SLC25A21: variants seen among roughly 807,000 people sequenced by gnomAD.
The protein encoded by SLC25A21 is solute carrier family 25 member 21.
Under a neutral mutation model 43.8 loss-of-function variants are expected in SLC25A21, and 47 were observed. The observed-to-expected ratio is 1.07, with a 90% confidence interval of 0.85 to 1.37. The LOEUF is 1.37. Among genes scored for constraint, SLC25A21 ranks in the 40% most tolerant of loss-of-function variants. The pLI, the probability that SLC25A21 is intolerant of heterozygous loss-of-function variation, is 0.00. For missense variants in SLC25A21, 352 were observed against 350.2 expected, an observed-to-expected ratio of 1.00 and a Z score of -0.04; for synonymous variants, 131 against 121.3, an observed-to-expected ratio of 1.08 and a Z score of -0.52.
rs1882036685 is a variant in SLC25A21, at chr14:36,678,776, T to TAATA, written c.*1878_*1881dup. 3 of 1,066,770 alleles carry TAATA rather than the reference T, an allele frequency of 2.8e-6. No individual in the cohort carries two copies. The South Asian group carries it at 1.3e-4, about 46-fold the overall frequency. The allele number at this position is 1,066,770 out of a possible 1,614,324, so 66.1% of individuals were successfully genotyped here. On this transcript the variant is annotated 3_prime_UTR_variant, in exon 10 of 10. Coordinates refer to ENST00000331299, the MANE Select transcript of SLC25A21 (RefSeq NM_030631.4). ...TCTGGTTCTTGTATTTTAAAAAATCTAATATTAATGGTATTGAAGTTTCCT... is the reference window on the plus strand; with the variant it reads ...TCTGGTTCTTGTATTTTAAAAAATCTAATAAATATTAATGGTATTGAAGTTTCCT...
At chr14:36,959,790 C>T (rs949651386) in intron 1 of SLC25A21, among the ~76,000 whole-genome samples, 1 of 152,086 alleles carries the variant, frequency 6.6e-6, no homozygotes. Context: ...TATCAGCAAT[C>T]AAAAAGTGGC....
At chr14:36,926,030 T>C (rs1462506373) in intron 1 of SLC25A21, among the ~76,000 whole-genome samples, 2 of 152,036 alleles carry the variant, frequency 1.3e-5, no homozygotes, top group African/African-American at 4.8e-5. Context: ...TATAAAACCT[T>C]CCACTCAATA....
chr14:36,749,699 C>T (rs1885631013), intron 3 of SLC25A21, among the ~76,000 whole-genome samples: 1 of 152,170 alleles, frequency 6.6e-6, no homozygotes, highest in South Asian at 2.1e-4. Flanking sequence ...CCAGGTACAC[C>T]ATCACTCCAG....
At chr14:37,128,546 G>GTGTA in intron 1 of SLC25A21, among the ~76,000 whole-genome samples, 2 of 146,302 alleles carry the variant, frequency 1.4e-5, no homozygotes, top group East Asian at 4.0e-4. Flanking sequence ...CTCTGTGTGT[G>GTGTA]TGTGTGTGTG....
At chr14:37,122,534 G>A (rs1594804001) in intron 1 of SLC25A21, among the ~76,000 whole-genome samples, 2 of 152,326 alleles carry the variant, frequency 1.3e-5, no homozygotes, top group East Asian at 3.9e-4. Flanking sequence ...ATCATACACT[G>A]TACACATTGC....
intron 3 of SLC25A21, among the ~76,000 whole-genome samples, chr14:36,806,154 G>A (rs1378155873): frequency 1.3e-5 from 2 of 150,166 alleles, no homozygotes; most frequent in Admixed American, 1.3e-4. Context: ...GGGGGTGGAG[G>A]TTGCAGTGAG....
intron 3 of SLC25A21, among the ~76,000 whole-genome samples, chr14:36,743,814 G>A (rs1885376997): frequency 6.6e-6 from 1 of 152,030 alleles, no homozygotes; most frequent in African/African-American, 2.4e-5. Flanking sequence ...AATACTCCTA[G>A]ATTTGATACA....
intron 2 of SLC25A21, among the ~76,000 whole-genome samples, chr14:36,822,853 C>T (rs1165067336): frequency 6.6e-6 from 1 of 152,202 alleles, no homozygotes; most frequent in East Asian, 1.9e-4. Context: ...GTACACTTTA[C>T]AATTCAGTCT....
At chr14:37,015,039 TTTA>T (rs548034724) in intron 1 of SLC25A21, among the ~76,000 whole-genome samples, 27 of 151,770 alleles carry the variant, frequency 1.8e-4, no homozygotes, top group Middle Eastern at 3.4e-3. Flanking sequence ...GGCATAATTC[TTTA>T]TTATTATTAT....
intron 1 of SLC25A21, among the ~76,000 whole-genome samples, chr14:36,897,311 T>TTTC (rs2138592057): frequency 6.6e-6 from 1 of 152,350 alleles, no homozygotes; most frequent in Admixed American, 6.5e-5. Context: ...ACTGATACCC[T>TTTC]TTCTTCCAGT....
intron 3 of SLC25A21, among the ~76,000 whole-genome samples, chr14:36,776,238 C>CTTT (rs35856297): frequency 4.4e-4 from 40 of 89,890 alleles, no homozygotes; most frequent in African/African-American, 5.1e-4. Context: ...TTCTTTCTTT[C>CTTT]TTTTTTTTTT....
rs568365537 is a variant in SLC25A21, at chr14:36,922,356, T to C, written c.71-47352A>G. Among the ~76,000 whole-genome samples the C allele has an allele frequency of 7.2e-5, 11 of 152,018 alleles. No homozygotes were observed. The South Asian group carries it at 2.3e-3, about 32-fold the overall frequency. ...ATCGTTCCTGCATTCCAATTAGAAA[T>C]TGGAAGCAATTTCTAAACTGAAAAA... is the stretch of plus-strand genomic sequence containing the variant. On this transcript the variant is annotated intron_variant, in intron 1 of 9. Transcript: ENST00000331299.
chr14:36,781,852 T>C (rs996739814), intron 3 of SLC25A21, among the ~76,000 whole-genome samples: 1 of 152,218 alleles, frequency 6.6e-6, no homozygotes, highest in Non-Finnish European at 1.5e-5. Context: ...CTTTCATATG[T>C]TTTCATGTTA....
intron 1 of SLC25A21, among the ~76,000 whole-genome samples, chr14:37,014,271 G>T (rs1054490726): frequency 6.6e-6 from 1 of 152,096 alleles, no homozygotes; most frequent in Non-Finnish European, 1.5e-5. Flanking sequence ...TTTCCCCAGA[G>T]TAGAACTTCT....
intron 1 of SLC25A21, among the ~76,000 whole-genome samples, chr14:37,150,814 G>T (rs1594819099): frequency 1.3e-5 from 2 of 152,156 alleles, no homozygotes; most frequent in Non-Finnish European, 2.9e-5. Flanking sequence ...TCAGATCTCT[G>T]GAGAGGATCT....
At chr14:37,147,844 C>CTTTTT (rs61239254) in intron 1 of SLC25A21, among the ~76,000 whole-genome samples, 2,983 of 126,206 alleles carry the variant, frequency 0.024, 144 homozygotes, top group Non-Finnish European at 0.032. Flanking sequence ...TTTTTCTTTT[C>CTTTTT]TTTTTTTTTT....
At chr14:36,822,296 G>C (rs1888664916) in intron 2 of SLC25A21, among the ~76,000 whole-genome samples, 1 of 152,212 alleles carries the variant, frequency 6.6e-6, no homozygotes, top group Non-Finnish European at 1.5e-5. Flanking sequence ...ATCACTAACT[G>C]AAGTTCAAAA....
intron 1 of SLC25A21, among the ~76,000 whole-genome samples, chr14:37,037,528 GTT>G: frequency 6.6e-6 from 1 of 152,180 alleles, no homozygotes; most frequent in South Asian, 2.1e-4. Context: ...AATTCCTCCT[GTT>G]TTCTCTCTCT....
chr14:37,003,054 C>T (rs966036944), intron 1 of SLC25A21, among the ~76,000 whole-genome samples: 2 of 152,106 alleles, frequency 1.3e-5, no homozygotes, highest in African/African-American at 4.8e-5. Flanking sequence ...GAATATGTTC[C>T]GAGACCCCCC....
Sources: gnomAD v4.1 joint callset for allele counts (sites outside exome capture counted in the v4.1 genomes callset) on GRCh38, gnomAD v4.1.1 for gene constraint, MANE v1.5 for transcripts, NCBI Gene and HGNC (gene_info 2026-07-23, HGNC 2026-07-21) for gene names.